Variants in RYK observed in about 807,000 individuals in gnomAD.
RYK encodes receptor like tyrosine kinase, also known as inactive tyrosine-protein kinase RYK.
In RYK, 21 loss-of-function variants were observed where a neutral mutation model predicts 70.2. That is an observed-to-expected ratio of 0.30 (90% confidence interval 0.21 to 0.43). The LOEUF (loss-of-function observed/expected upper bound fraction) is 0.43. Ranked by LOEUF, RYK falls within the 20% of genes least tolerant of loss-of-function variation. The pLI is 1.00. For synonymous variants in RYK, 267 were observed against 278.0 expected (o/e 0.96, Z 0.39); for missense variants, 604 against 753.3 (o/e 0.80, Z 2.32).
chr3:134,231,173 T>G (rs1461086535), intron 1 of RYK, among the ~76,000 whole-genome samples: 1 of 147,804 alleles, frequency 6.8e-6, no homozygotes, highest in Non-Finnish European at 1.5e-5. Context: ...AAAAAGTACC[T>G]GTAAGCAGCC....
chr3:134,163,364 C>T (rs2012546527), intron 13 of RYK, among the ~76,000 whole-genome samples: 1 of 152,212 alleles, frequency 6.6e-6, no homozygotes, highest in African/African-American at 2.4e-5. Context: ...TAATTTCCTT[C>T]TGTTTGACGT....
chr3:134,184,137 CAAAA>C (rs1242529869), intron 9 of RYK, among the ~76,000 whole-genome samples: 4 of 152,024 alleles, frequency 2.6e-5, no homozygotes, highest in Non-Finnish European at 2.9e-5. Context: ...TAAAAACAAA[CAAAA>C]AGAACTAATA....
At position 134,221,268 on chromosome 3, in the gene RYK, G is replaced by A. The variant is rs940957177; in HGVS notation, c.354+1150C>T. ...CTCCCAGGATGGAGTGCAGTGGTGC[G>A]ATCTCGGCTCACTGCAACCTCCGCC... On this transcript the variant is annotated intron_variant, in intron 2 of 14. Transcript: ENST00000623711. Among the ~76,000 whole-genome samples the A allele has an allele frequency of 3.7e-5, 5 of 134,704 alleles. No individual in the cohort carries two copies. In the East Asian group the frequency reaches 1.1e-3, roughly 30 times the overall value. 88.4% of individuals were successfully genotyped at this position (134,704 alleles called of 152,430 possible). A position where few individuals can be genotyped will look rare whatever the true frequency, so the allele number is the denominator to read the frequency against.
intron 4 of RYK, among the ~76,000 whole-genome samples, chr3:134,208,931 C>A (rs1435705680): frequency 6.6e-6 from 1 of 152,054 alleles, no homozygotes; most frequent in South Asian, 2.1e-4. Context: ...TATTTCCCCC[C>A]CCCATCTTAG....
chr3:134,206,091 AT>A (rs369731832), intron 5 of RYK, among the ~76,000 whole-genome samples: 1 of 152,060 alleles, frequency 6.6e-6, no homozygotes, highest in African/African-American at 2.4e-5. Flanking sequence ...CAACAGTGAC[AT>A]TTTTTTTAAT....
chr3:134,218,686 G>A (rs1445191831), intron 2 of RYK, among the ~76,000 whole-genome samples: 1 of 152,156 alleles, frequency 6.6e-6, no homozygotes, highest in Non-Finnish European at 1.5e-5. Flanking sequence ...GATCATAAAG[G>A]CCTCCTACGA....
intron 3 of RYK, among the ~76,000 whole-genome samples, chr3:134,211,197 G>A (rs982234851): frequency 2.0e-5 from 3 of 152,124 alleles, no homozygotes; most frequent in Admixed American, 2.0e-4. Flanking sequence ...GATCATCTGG[G>A]CCACAGGGTG....
chr3:134,200,106 A>C (rs569251938), intron 6 of RYK, among the ~76,000 whole-genome samples: 2 of 151,922 alleles, frequency 1.3e-5, no homozygotes, highest in Non-Finnish European at 2.9e-5. Context: ...CAAATAAGGG[A>C]AAAAAAGCAG....
Position 134,207,495 on chromosome 3 carries a change from T to C in RYK, c.620A>G (p.Asp207Gly). The part of the protein sequence containing the change: ...KLEEVKTSAL[D>G]KNTSRTIYDP... ...ACAAATAGTTCTGCTAGTGTTTTTG[T>C]CCAAGGCTGAAGTTTTTACTTCTTC... The change falls in exon 5 of 15, where the codon GAC (aspartate) becomes GGC (glycine). Residue 207 changes from aspartate (D) to glycine (G), a missense_variant. Physicochemically the swap from Asp to Gly is moderately conservative, Grantham distance 94. Coordinates refer to ENST00000623711, the MANE Select transcript of RYK (RefSeq NM_002958.4). 1 of 1,543,216 alleles carries C rather than the reference T, an allele frequency of 6.5e-7. No homozygotes were observed. The highest frequency in any genetic ancestry group is 8.8e-7 in the Non-Finnish European group (1 of 1,141,476).
Position 134,197,764 on chromosome 3 carries a change from G to A in RYK, c.789-2582C>T, listed in dbSNP as rs1178846824. On this transcript the variant is annotated intron_variant, in intron 6 of 14. Transcript: ENST00000623711. ...GATTTTTGTGAGGCTCAAATTGTAT[G>A]AGATATGTGAAAGTACTTCTTAAGT... Among the ~76,000 whole-genome samples, 3 of 152,188 alleles carry A rather than the reference G, an allele frequency of 2.0e-5. No homozygotes were observed. The East Asian group carries it at 5.8e-4, about 29-fold the overall frequency.
At position 134,249,917 on chromosome 3, in the gene RYK, G is replaced by GTTTTTTTTT. The variant is rs71624038; in HGVS notation, c.232+497_232+505dup. Reference sequence around the variant, plus strand: ...TATAACCTCCCCTTCTTTCTCTCTCGTTTTTTTTTTTTTTTTTTTTTTTTT... The same window carrying GTTTTTTTTT: ...TATAACCTCCCCTTCTTTCTCTCTCGTTTTTTTTTTTTTTTTTTTTTTTTTTTTTTTTTT... On this transcript the variant is annotated intron_variant, in intron 1 of 14. Coordinates refer to ENST00000623711, the MANE Select transcript of RYK (RefSeq NM_002958.4). Among the ~76,000 whole-genome samples the GTTTTTTTTT allele has an allele frequency of 9.2e-4, 86 of 93,322 alleles. 12 individuals carry two copies. Among genetic ancestry groups the GTTTTTTTTT allele is most frequent in the African/African-American group, 4.3e-3 (81 of 18,890 alleles). The allele number at this position is 93,322 out of a possible 152,430, so 61.2% of individuals were successfully genotyped here. A position where few individuals can be genotyped will look rare whatever the true frequency, so the allele number is the denominator to read the frequency against.
intron 12 of RYK, 60 bp downstream of exon 12, chr3:134,175,870 G>C: frequency 6.4e-7 from 1 of 1,552,780 alleles, no homozygotes; most frequent in Non-Finnish European, 8.9e-7. Flanking sequence ...GACTCGCAGA[G>C]AACCCCAAAT....
chr3:134,195,538 C>T (rs748766003), intron 6 of RYK, among the ~76,000 whole-genome samples: 62 of 152,182 alleles, frequency 4.1e-4, no homozygotes, highest in Non-Finnish European at 7.2e-4. Flanking sequence ...AATTAGATTG[C>T]TTTTTAGAAA....
chr3:134,218,518 G>A (rs1030761967), intron 2 of RYK, among the ~76,000 whole-genome samples: 2 of 152,158 alleles, frequency 1.3e-5, no homozygotes, highest in African/African-American at 2.4e-5. Flanking sequence ...AGCTTTATGA[G>A]GTAAACAGGA....
chr3:134,221,747 G>A (rs997339216), intron 2 of RYK, among the ~76,000 whole-genome samples: 2 of 151,926 alleles, frequency 1.3e-5, no homozygotes, highest in Admixed American at 1.3e-4. Context: ...CTATTCAAAA[G>A]CCTATATAAA....
At chr3:134,225,737 G>A (rs1356837225) in intron 1 of RYK, among the ~76,000 whole-genome samples, 1 of 152,098 alleles carries the variant, frequency 6.6e-6, no homozygotes, top group Non-Finnish European at 1.5e-5. Context: ...CACACCTGTA[G>A]TACTAACTAC....
intron 1 of RYK, among the ~76,000 whole-genome samples, chr3:134,226,062 T>G (rs550891131): frequency 6.6e-6 from 1 of 152,140 alleles, no homozygotes; most frequent in Non-Finnish European, 1.5e-5. Flanking sequence ...TCAAATACCA[T>G]ATGATAAAGA....
intron 1 of RYK, 145 bp downstream of exon 1, chr3:134,250,278 A>T (rs2015578128): frequency 1.3e-5 from 5 of 375,656 alleles, no homozygotes; most frequent in Admixed American, 4.8e-5. Context: ...CGGCAGGCAG[A>T]GACCGGGCCG....
intron 1 of RYK, among the ~76,000 whole-genome samples, chr3:134,229,379 G>GAAAAAAAAAAAAA: frequency 1.6e-5 from 1 of 61,464 alleles, no homozygotes; most frequent in Non-Finnish European, 3.2e-5. Context: ...CCTTTGGGCT[G>GAAAAAAAAAAAAA]GAAAAAAAAA....
Sources: gnomAD v4.1 joint callset for allele counts (sites outside exome capture counted in the v4.1 genomes callset) on GRCh38, gnomAD v4.1.1 for gene constraint, MANE v1.5 for transcripts, NCBI Gene and HGNC (gene_info 2026-07-23, HGNC 2026-07-21) for gene names.